The following CCDC85A variants were observed in gnomAD, a reference collection of about 807,000 sequenced individuals.
CCDC85A encodes coiled-coil domain-containing protein 85A.
A neutral mutation model predicts 50.2 loss-of-function variants in CCDC85A; 38 were observed. That is an observed-to-expected ratio of 0.76 (90% confidence interval 0.58 to 0.99). CCDC85A has a LOEUF of 0.99. CCDC85A is among the 50% of genes least tolerant of loss of function. The pLI is 0.00. For synonymous variants in CCDC85A, 366 were observed against 301.4 expected, an observed-to-expected ratio of 1.21 and a Z score of -2.22; for missense variants, 820 against 742.0, an observed-to-expected ratio of 1.11 and a Z score of -1.22.
At chr2:56,199,135 G>T (rs1676637643) in intron 2 of CCDC85A, among the ~76,000 whole-genome samples, 1 of 152,212 alleles carries the variant, frequency 6.6e-6, no homozygotes, top group Non-Finnish European at 1.5e-5. Flanking sequence ...TAGAACAAAG[G>T]TTGGGGAAGT....
intron 2 of CCDC85A, among the ~76,000 whole-genome samples, chr2:56,282,789 C>G (rs904974201): frequency 2.0e-5 from 3 of 152,230 alleles, no homozygotes; most frequent in Non-Finnish European, 1.5e-5. Flanking sequence ...GGATTACAGG[C>G]GTGAGCCACC....
At chr2:56,288,730 T>A (rs1671562657) in intron 2 of CCDC85A, among the ~76,000 whole-genome samples, 1 of 150,496 alleles carries the variant, frequency 6.6e-6, no homozygotes, top group Non-Finnish European at 1.5e-5. Flanking sequence ...GTTAAATCAA[T>A]ATTTTTTAAA....
intron 2 of CCDC85A, among the ~76,000 whole-genome samples, chr2:56,330,504 T>C (rs543697141): frequency 5.5e-4 from 83 of 152,280 alleles, no homozygotes; most frequent in African/African-American, 1.6e-3. Flanking sequence ...ATGAGGGCCT[T>C]CCTCCCTCCC....
intron 2 of CCDC85A, among the ~76,000 whole-genome samples, chr2:56,289,747 G>A (rs1212410366): frequency 1.3e-5 from 2 of 152,066 alleles, no homozygotes; most frequent in African/African-American, 4.8e-5. Context: ...TCTGTTGTCC[G>A]AATTGTCATG....
chr2:56,243,899 A>G (rs888036657), intron 2 of CCDC85A, among the ~76,000 whole-genome samples: 1 of 152,196 alleles, frequency 6.6e-6, no homozygotes, highest in African/African-American at 2.4e-5. Flanking sequence ...TCATAGAGGT[A>G]TTGCCTTGGT....
chr2:56,221,490 A>C (rs1668327995), intron 2 of CCDC85A, among the ~76,000 whole-genome samples: 1 of 152,048 alleles, frequency 6.6e-6, no homozygotes, highest in South Asian at 2.1e-4. Flanking sequence ...TTGCTTACTA[A>C]GAGTTAACTG....
At chr2:56,271,302 A>G (rs1272954514) in intron 2 of CCDC85A, among the ~76,000 whole-genome samples, 1 of 152,182 alleles carries the variant, frequency 6.6e-6, no homozygotes, top group Non-Finnish European at 1.5e-5. Flanking sequence ...GGTATATAGC[A>G]TGCGTGTTTA....
chr2:56,318,437 A>T (rs1194565535), intron 2 of CCDC85A, among the ~76,000 whole-genome samples: 1 of 152,040 alleles, frequency 6.6e-6, no homozygotes, highest in Non-Finnish European at 1.5e-5. Flanking sequence ...TTAAATTGTC[A>T]TTTCTCAGAG....
intron 3 of CCDC85A, among the ~76,000 whole-genome samples, chr2:56,370,830 G>A (rs1676034485): frequency 6.6e-6 from 1 of 151,968 alleles, no homozygotes; most frequent in Admixed American, 6.6e-5. Flanking sequence ...ATGCCTATAT[G>A]TTTTACTCAG....
intron 5 of CCDC85A, among the ~76,000 whole-genome samples, chr2:56,377,281 C>T (rs1676380735): frequency 6.6e-6 from 1 of 152,154 alleles, no homozygotes; most frequent in South Asian, 2.1e-4. Context: ...TGTTGAATAT[C>T]TTGTTCTCTG....
chr2:56,319,536 C>T (rs10206915), intron 2 of CCDC85A, among the ~76,000 whole-genome samples: 2 of 151,820 alleles, frequency 1.3e-5, no homozygotes, highest in East Asian at 1.9e-4. Context: ...CACTCTTTTT[C>T]GATGCTGATA....
intron 3 of CCDC85A, among the ~76,000 whole-genome samples, chr2:56,358,969 T>TA (rs11430925): frequency 6.9e-6 from 1 of 145,982 alleles, no homozygotes; most frequent in African/African-American, 2.6e-5. Flanking sequence ...GTATTTTTTT[T>TA]TTTTTTTTTT....
At chr2:56,374,163 T>C (rs1676218090) in intron 4 of CCDC85A, among the ~76,000 whole-genome samples, 1 of 152,138 alleles carries the variant, frequency 6.6e-6, no homozygotes, top group African/African-American at 2.4e-5. Flanking sequence ...TTAGTAGCAA[T>C]GGAGGACAGA....
intron 3 of CCDC85A, among the ~76,000 whole-genome samples, chr2:56,367,715 A>G (rs761153615): frequency 2.2e-4 from 34 of 152,196 alleles, no homozygotes; most frequent in African/African-American, 6.3e-4. Context: ...CCCGCCCCCA[A>G]TGAGAACTGA....
chr2:56,238,885 C>T (rs1018982067), intron 2 of CCDC85A, among the ~76,000 whole-genome samples: 1 of 152,122 alleles, frequency 6.6e-6, no homozygotes, highest in African/African-American at 2.4e-5. Flanking sequence ...TTATATGGGT[C>T]TGCGATGGAC....
At position 56,269,239 on chromosome 2, in the gene CCDC85A, T is replaced by C. The variant is rs188565285; in HGVS notation, c.1241-73640T>C. Reference sequence around the variant, plus strand: ...TTACCTTACCTGGGACACATAAACATATCCCAGTCATTCCCAATTAAATGT... The same window carrying C: ...TTACCTTACCTGGGACACATAAACACATCCCAGTCATTCCCAATTAAATGT... On this transcript the variant is annotated intron_variant, in intron 2 of 5. Coordinates refer to ENST00000407595, the MANE Select transcript of CCDC85A (RefSeq NM_001080433.2). Among the ~76,000 whole-genome samples the C allele has an allele frequency of 7.2e-5, 11 of 152,218 alleles. No homozygotes were observed. The East Asian group carries it at 1.7e-3, about 24-fold the overall frequency.
chr2:56,277,358 C>G (rs1670997889), intron 2 of CCDC85A, among the ~76,000 whole-genome samples: 1 of 151,990 alleles, frequency 6.6e-6, no homozygotes, highest in African/African-American at 2.4e-5. Context: ...ACAGAAAACC[C>G]AAAACGTCCT....
intron 2 of CCDC85A, among the ~76,000 whole-genome samples, chr2:56,256,744 A>C (rs1021562934): frequency 6.6e-6 from 1 of 152,232 alleles, no homozygotes; most frequent in African/African-American, 2.4e-5. Flanking sequence ...TCTGAGTGGC[A>C]TGAATGACTG....
At chr2:56,197,940 C>T (rs1676591809) in intron 2 of CCDC85A, among the ~76,000 whole-genome samples, 1 of 152,104 alleles carries the variant, frequency 6.6e-6, no homozygotes, top group Admixed American at 6.5e-5. Context: ...AGTTTCTAAC[C>T]TATTTACGGC....
Sources: allele counts gnomAD v4.1 joint callset (sites outside exome capture counted in the v4.1 genomes callset), GRCh38; gene constraint gnomAD v4.1.1; transcripts MANE v1.5; gene names NCBI Gene and HGNC (gene_info 2026-07-23, HGNC 2026-07-21).